The following TPRA1 variants were observed in gnomAD, a reference collection of about 807,000 sequenced individuals.
The protein encoded by TPRA1 is transmembrane protein adipocyte-associated 1.
A neutral mutation model predicts 40.1 loss-of-function variants in TPRA1; 28 were observed. That is an observed-to-expected ratio of 0.70 (90% CI 0.52 to 0.96). The LOEUF (loss-of-function observed/expected upper bound fraction) is 0.96. Ranked by LOEUF, TPRA1 falls within the 40% of genes least tolerant of loss-of-function variation. The pLI, the probability that TPRA1 is intolerant of heterozygous loss-of-function variation, is 0.00. For synonymous variants in TPRA1, 219 were observed against 209.7 expected, an observed-to-expected ratio of 1.04 and a Z score of -0.38; for missense variants, 441 against 482.6, an observed-to-expected ratio of 0.91 and a Z score of 0.81.
intron 1 of TPRA1, among the ~76,000 whole-genome samples, chr3:127,580,829 T>A (rs145437623): frequency 5.9e-5 from 9 of 152,298 alleles, no homozygotes; most frequent in African/African-American, 2.2e-4. Context: ...GCCTAGAAGA[T>A]GCACAGGAGG....
upstream of TPRA1, among the ~76,000 whole-genome samples, chr3:127,592,376 T>G (rs1051340885): frequency 6.1e-5 from 8 of 131,706 alleles, no homozygotes; most frequent in East Asian, 8.6e-4. Context: ...TGTTTTTTTT[T>G]TTTTTTTTTT....
In TPRA1 at chr3:127,576,116, C is replaced by T. The variant is rs2073614998; in HGVS notation, c.499-66G>A. The T allele has an allele frequency of 2.4e-5, 32 of 1,314,720 alleles. 1 individual carries two copies. In the South Asian group the frequency reaches 3.9e-4, roughly 16 times the overall value. 81.4% of individuals were successfully genotyped at this position (1,314,720 alleles called of 1,614,324 possible). On this transcript the variant is annotated intron_variant, in intron 6 of 10. Coordinates refer to ENST00000355552, the MANE Select transcript of TPRA1 (RefSeq NM_001136053.4). The surrounding 1 kb of genome is among the most constrained non-coding windows in gnomAD (Gnocchi z 4.6). The stretch of plus-strand genomic sequence containing the variant: ...AAGGCTTCTCTCTCCCAGGGGCTTT[C>T]CCTGATGCAAAGCCCCCTAAGCTCT...
intron 7 of TPRA1, 27 bp downstream of exon 7, chr3:127,575,913 C>A: frequency 1.2e-6 from 2 of 1,612,734 alleles, no homozygotes; most frequent in Non-Finnish European, 1.7e-6. Context: ...GCCCCAGCCA[C>A]CCCAGCTGCC....
upstream of TPRA1, among the ~76,000 whole-genome samples, chr3:127,592,685 G>A (rs571901522): frequency 2.0e-5 from 3 of 152,316 alleles, no homozygotes; most frequent in African/African-American, 4.8e-5. Context: ...GCGCCCGGCC[G>A]CAACATGCTG....
rs1170623138 is a variant in TPRA1 at position 127,571,779 on chromosome 3, A to G, written c.*1742T>C. On this transcript the variant is annotated 3_prime_UTR_variant, in exon 11 of 11. Transcript: ENST00000355552. ...TTCACCAAATACCCTCCTGTACTGC[A>G]TGAACCTTTTTTTTTCTTGCCATGT... 6.6e-6 allele frequency: 1 copy of G among 152,228 alleles called. No homozygotes were observed. The highest frequency in any genetic ancestry group is 1.5e-5 in the Non-Finnish European group (1 of 68,044). The allele number at this position is 152,228 out of a possible 1,614,324, so 9.4% of individuals were successfully genotyped here.
intron 1 of TPRA1, among the ~76,000 whole-genome samples, chr3:127,583,898 T>C (rs2073913935): frequency 6.6e-6 from 1 of 151,954 alleles, no homozygotes; most frequent in Admixed American, 6.5e-5. Flanking sequence ...CTCGATCTCC[T>C]GACCTCGTGA....
Position 127,580,097 on chromosome 3 carries a change from G to T in TPRA1, c.50C>A (p.Pro17His), listed in dbSNP as rs780932554. 1.9e-6 allele frequency: 3 copies of T among 1,613,796 alleles called. No individual in the cohort carries two copies. Among genetic ancestry groups the T allele is most frequent in the Non-Finnish European group, 2.5e-6 (3 of 1,180,004 alleles). Residue 17 changes from proline (P) to histidine (H), a missense_variant, in exon 2 of 11, where the codon CCC (proline) becomes CAC (histidine). By Grantham distance (77) the Pro-to-His change is moderately conservative. Coordinates refer to ENST00000355552, the MANE Select transcript of TPRA1 (RefSeq NM_001136053.4). The part of the protein sequence containing the change: ...VTWANGSTAL[P>H]PPLAPNISVP... ...ACTGATGTTTGGTGCCAGGGGTGGG[G>T]GTAGCGCTGTGCTCCCATTGGCCCA...
rs745860135 is a variant in TPRA1, at chr3:127,576,050, C to T, written c.499G>A (p.Gly167Arg). Residue 167 changes from glycine to arginine, a missense_variant and splice_region_variant, in exon 7 of 11, where the codon GGG (glycine) becomes AGG (arginine). Transcript: ENST00000355552. This position sits in a 1 kb window ranked among gnomAD's most constrained non-coding sequence, Gnocchi z 4.6. The stretch of plus-strand genomic sequence containing the variant: ...TCAGGGTACAGGATCTCCAGGGTCC[C>T]CTGCAGGGGCAAGCAGGAAGGGAGG... Reference protein sequence around the residue: ...VLSLAYSVTQGTLEILYPDAH... With the variant: ...VLSLAYSVTQRTLEILYPDAH... 2.4e-5 allele frequency: 39 copies of T among 1,611,766 alleles called. No homozygotes were observed. The highest frequency in any genetic ancestry group is 3.2e-5 in the Non-Finnish European group (38 of 1,178,266).
intron 1 of TPRA1, among the ~76,000 whole-genome samples, chr3:127,584,545 A>AACACAGT (rs1171271514): frequency 6.6e-6 from 1 of 151,828 alleles, no homozygotes; most frequent in African/African-American, 2.4e-5. Flanking sequence ...AATGACAAGA[A>AACACAGT]ACACAGTAGA....
chr3:127,588,934 A>T (rs2074082780), intron 1 of TPRA1, among the ~76,000 whole-genome samples: 2 of 152,160 alleles, frequency 1.3e-5, no homozygotes. Context: ...CCAAGCACTG[A>T]CAAAGAAGTG....
rs1304080743 is a variant in TPRA1 at position 127,575,489 on chromosome 3, G to A, written c.687C>T (p.Tyr229=). 6.3e-6 allele frequency: 10 copies of A among 1,587,512 alleles called. No individual in the cohort carries two copies. The highest frequency in any genetic ancestry group is 1.7e-4 in the Middle Eastern group (1 of 5,986). The change falls in exon 9 of 11, where the codon TAC becomes TAT. Residue 229 remains tyrosine, a synonymous_variant. Transcript: ENST00000355552. ...RISLPSRRSF[Y]VYAGILALLN... Reference sequence around the variant, plus strand: ...GCAGTGCCAGGATGCCCGCATACACGTAGAAGCTCCTCCGAGCTGGGGGCC... The same window carrying A: ...GCAGTGCCAGGATGCCCGCATACACATAGAAGCTCCTCCGAGCTGGGGGCC...
chr3:127,586,749 C>A (rs73858495), intron 1 of TPRA1, among the ~76,000 whole-genome samples: 130 of 152,314 alleles, frequency 8.5e-4, no homozygotes, highest in African/African-American at 3.0e-3. Flanking sequence ...TGGAATGTCA[C>A]GCAGCCCCAA....
chr3:127,597,113 C>CA (rs111589837), intron 1 of TPRA1, among the ~76,000 whole-genome samples: 2,182 of 131,406 alleles, frequency 0.017, 55 homozygotes, highest in African/African-American at 0.054. Context: ...GACTCTGTCT[C>CA]AAAAAAAAAA....
At chr3:127,579,961 C>G (rs2073777076) in intron 2 of TPRA1, 61 bp downstream of exon 2, 3 of 1,609,946 alleles carry the variant, frequency 1.9e-6, no homozygotes, top group Non-Finnish European at 2.5e-6. Context: ...CTCACCACCC[C>G]CCTACACCAG....
chr3:127,576,780 G>A lies in TPRA1; in HGVS notation c.418+41C>T, dbSNP rs774860063. On this transcript the variant is annotated intron_variant, in intron 5 of 10. Transcript: ENST00000355552. The surrounding 1 kb of genome is among the most constrained non-coding windows in gnomAD (Gnocchi z 4.6). ...AGCCCACAGCCAGGGAGGGGCAGGGGAGAGCATCGCCAGGGCCCAAGAGCC... is the reference window on the plus strand; with the variant it reads ...AGCCCACAGCCAGGGAGGGGCAGGGAAGAGCATCGCCAGGGCCCAAGAGCC... 3.1e-6 allele frequency: 5 copies of A among 1,613,318 alleles called. No individual in the cohort carries two copies. In the South Asian group the frequency reaches 5.5e-5, roughly 18 times the overall value.
intron 8 of TPRA1, 89 bp from the exon 9 acceptor site, chr3:127,575,594 TCCCCC>T (rs1438114693): frequency 1.4e-6 from 2 of 1,464,380 alleles, no homozygotes; most frequent in Non-Finnish European, 1.8e-6. Context: ...GCCTGGTGTG[TCCCCC>T]GGGGCCCCTC....
intron 1 of TPRA1, among the ~76,000 whole-genome samples, chr3:127,590,019 G>A (rs1260969815): frequency 2.0e-5 from 3 of 152,226 alleles, no homozygotes; most frequent in African/African-American, 7.2e-5. Flanking sequence ...CGGCAGGCTT[G>A]GCTCAGGAGC....
intron 10 of TPRA1, chr3:127,574,932 A>C: frequency 1.8e-6 from 1 of 552,504 alleles, no homozygotes; most frequent in African/African-American, 1.9e-5. Flanking sequence ...TTGTGTGTGC[A>C]TGTGCATGTG....
At chr3:127,575,352 C>T (rs752290074) in intron 9 of TPRA1, 51 bp downstream of exon 9, 1 of 1,572,898 alleles carries the variant, frequency 6.4e-7, no homozygotes, top group East Asian at 2.4e-5. Flanking sequence ...GACACCCTGC[C>T]GCCCACTTCC....
Sources: allele counts gnomAD v4.1 joint callset (sites outside exome capture counted in the v4.1 genomes callset), GRCh38; gene constraint gnomAD v4.1.1; non-coding constraint Gnocchi (gnomAD v3.1); transcripts MANE v1.5; gene names NCBI Gene and HGNC (gene_info 2026-07-23, HGNC 2026-07-21).